The following CSMD3 variants were observed in gnomAD, a reference collection of about 807,000 sequenced individuals.
CSMD3 encodes the protein CUB and Sushi multiple domains 3.
In CSMD3, 177 loss-of-function variants were observed where a neutral mutation model predicts 435.2. That is an observed-to-expected ratio of 0.41 (90% CI 0.36 to 0.46). The LOEUF (loss-of-function observed/expected upper bound fraction) is 0.46, where lower values mean the gene tolerates loss of function less well. Ranked by LOEUF, CSMD3 falls within the 20% of genes least tolerant of loss-of-function variation. CSMD3 has a pLI of 0.34. For synonymous variants in CSMD3, 1,656 were observed against 1,520.5 expected (o/e 1.09, Z -2.07); for missense variants, 4,265 against 4,504.6 (o/e 0.95, Z 1.52).
intron 13 of CSMD3, among the ~76,000 whole-genome samples, chr8:112,716,075 G>T (rs2076719973): frequency 6.6e-6 from 1 of 152,030 alleles, no homozygotes; most frequent in Non-Finnish European, 1.5e-5. Flanking sequence ...ATTTGTCCAG[G>T]GCAATCAGGC....
At chr8:113,338,626 T>C (rs2094094917) in intron 1 of CSMD3, among the ~76,000 whole-genome samples, 2 of 151,956 alleles carry the variant, frequency 1.3e-5, no homozygotes, top group Non-Finnish European at 2.9e-5. Flanking sequence ...AGTAATAAAA[T>C]AAGATATATA....
intron 3 of CSMD3, among the ~76,000 whole-genome samples, chr8:113,263,365 C>T (rs1328817564): frequency 6.6e-6 from 1 of 151,962 alleles, no homozygotes; most frequent in Non-Finnish European, 1.5e-5. Flanking sequence ...AATAACTAAT[C>T]AATATTTAGT....
At chr8:113,036,561 T>C (rs1248411562) in intron 5 of CSMD3, among the ~76,000 whole-genome samples, 6 of 151,936 alleles carry the variant, frequency 3.9e-5, no homozygotes, top group Admixed American at 3.9e-4. Flanking sequence ...TTAAAGATAA[T>C]TACAGAGCAA....
chr8:113,149,531 C>T (rs998948132), intron 4 of CSMD3, among the ~76,000 whole-genome samples: 4 of 151,910 alleles, frequency 2.6e-5, no homozygotes, highest in Non-Finnish European at 4.4e-5. Context: ...GTATGCAATT[C>T]CCCACATTTC....
chr8:112,399,019 C>A (rs1335217162), intron 35 of CSMD3, among the ~76,000 whole-genome samples: 1 of 151,548 alleles, frequency 6.6e-6, no homozygotes, highest in Admixed American at 6.6e-5. Context: ...CAGGTTCAAT[C>A]AATTCTCCTG....
At chr8:112,746,618 T>C (rs1455873167) in intron 13 of CSMD3, among the ~76,000 whole-genome samples, 1 of 148,558 alleles carries the variant, frequency 6.7e-6, no homozygotes, top group African/African-American at 2.5e-5. Flanking sequence ...ATGGCTGTTT[T>C]ATTAATAATA....
intron 4 of CSMD3, among the ~76,000 whole-genome samples, chr8:113,135,537 C>G (rs2091396564): frequency 6.6e-6 from 1 of 151,596 alleles, no homozygotes; most frequent in African/African-American, 2.4e-5. Context: ...TATAATTTAC[C>G]TGAGTTTAAG....
intron 1 of CSMD3, among the ~76,000 whole-genome samples, chr8:113,373,992 T>G (rs2094362733): frequency 6.6e-6 from 1 of 152,064 alleles, no homozygotes. Flanking sequence ...CTCTCTAAAA[T>G]TCAGGTCCAA....
chr8:112,432,880 A>T (rs937072413), intron 32 of CSMD3, among the ~76,000 whole-genome samples: 2 of 149,706 alleles, frequency 1.3e-5, no homozygotes, highest in Non-Finnish European at 3.0e-5. Flanking sequence ...GTTCAAGACC[A>T]GCCTGGGAAA....
chr8:112,541,305 G>A (rs1458708158), intron 27 of CSMD3, among the ~76,000 whole-genome samples: 2 of 151,702 alleles, frequency 1.3e-5, no homozygotes, highest in South Asian at 4.2e-4. Flanking sequence ...ATAGAAAATA[G>A]AAAAACAATT....
intron 3 of CSMD3, among the ~76,000 whole-genome samples, chr8:113,234,378 A>G (rs974707321): frequency 2.0e-5 from 3 of 152,122 alleles, no homozygotes; most frequent in Non-Finnish European, 2.9e-5. Flanking sequence ...TGCACAATAG[A>G]TATCAACCCA....
chr8:112,707,420 A>G (rs1461373283), intron 13 of CSMD3, among the ~76,000 whole-genome samples: 1 of 145,208 alleles, frequency 6.9e-6, no homozygotes, highest in South Asian at 2.2e-4. Flanking sequence ...AACCTAATAA[A>G]CCATTATTGA....
At chr8:112,289,258 G>A (rs147575596) in intron 57 of CSMD3, 107 bp downstream of exon 57, 4 of 966,948 alleles carry the variant, frequency 4.1e-6, no homozygotes, top group African/African-American at 1.6e-5. Context: ...ATTTTTCAGA[G>A]AGAAATATAT....
intron 3 of CSMD3, among the ~76,000 whole-genome samples, chr8:113,174,473 T>C (rs1588206113): frequency 6.6e-6 from 1 of 152,106 alleles, no homozygotes; most frequent in East Asian, 1.9e-4. Flanking sequence ...GAGTGTATAC[T>C]ACGAATGATA....
chr8:112,925,385 C>T (rs920080049), intron 9 of CSMD3, among the ~76,000 whole-genome samples: 1 of 151,550 alleles, frequency 6.6e-6, no homozygotes, highest in Non-Finnish European at 1.5e-5. Flanking sequence ...GGTGAGACCC[C>T]GTCTCTACTA....
chr8:113,421,901 C>T (rs1325832052), intron 1 of CSMD3, among the ~76,000 whole-genome samples: 1 of 152,032 alleles, frequency 6.6e-6, no homozygotes, highest in African/African-American at 2.4e-5. Context: ...ATCCATTTGC[C>T]CAAGGACAGG....
chr8:113,138,630 A>T (rs546989191), intron 4 of CSMD3, among the ~76,000 whole-genome samples: 7 of 151,478 alleles, frequency 4.6e-5, no homozygotes, highest in African/African-American at 1.7e-4. Context: ...GACCTGAAAG[A>T]ATATTGCAAA....
intron 3 of CSMD3, among the ~76,000 whole-genome samples, chr8:113,177,474 T>G (rs1159751054): frequency 6.6e-6 from 1 of 151,946 alleles, no homozygotes; most frequent in South Asian, 2.1e-4. Context: ...AATATATTGA[T>G]TAAGAGGTTT....
chr8:112,904,882 AAAGTAGACACT>A (rs1449773340), intron 10 of CSMD3, among the ~76,000 whole-genome samples: 1 of 151,442 alleles, frequency 6.6e-6, no homozygotes, highest in Non-Finnish European at 1.5e-5. Context: ...CTGCCTCTCT[AAAGTAGACACT>A]GATGTTGATG....
Sources: allele counts gnomAD v4.1 joint callset (sites outside exome capture counted in the v4.1 genomes callset), GRCh38; gene constraint gnomAD v4.1.1; transcripts MANE v1.5; gene names NCBI Gene and HGNC (gene_info 2026-07-23, HGNC 2026-07-21).